ATP4A: variants seen among roughly 807,000 people sequenced by gnomAD.
The protein encoded by ATP4A is ATPase H+/K+ transporting subunit alpha.
Under a neutral mutation model 112.1 loss-of-function variants are expected in ATP4A, and 73 were observed. That is an observed-to-expected ratio of 0.65 (90% CI 0.54 to 0.79). The LOEUF is 0.79. ATP4A is among the 30% of genes least tolerant of loss of function. The probability of loss-of-function intolerance (pLI) is 0.00; values close to 1 mark genes in which losing one functional copy is unlikely to be tolerated. For synonymous variants in ATP4A, 588 were observed against 588.9 expected, an observed-to-expected ratio of 1.00 and a Z score of 0.02; for missense variants, 1,081 against 1,425.9, an observed-to-expected ratio of 0.76 and a Z score of 3.90.
chr19:35,562,317 T>G (rs746310191), intron 4 of ATP4A, 118 bp downstream of exon 4: 3 of 1,232,414 alleles, frequency 2.4e-6, no homozygotes, highest in Non-Finnish European at 3.4e-6. Flanking sequence ...GTCTTGAGAC[T>G]GCCTTTCGTG....
In ATP4A at chr19:35,557,970, G is replaced by T; in HGVS notation, c.1501-123C>A. On this transcript the variant is annotated intron_variant, in intron 10 of 21. Coordinates refer to ENST00000262623, the MANE Select transcript of ATP4A (RefSeq NM_000704.3). The surrounding 1 kb of genome is among the most constrained non-coding windows in gnomAD (Gnocchi z 4.4). The stretch of plus-strand genomic sequence containing the variant: ...GAGCTCGGTGCGGGCTCTGAGAGCT[G>T]CGGGGAAGGGTGAAGGTGGAAGATG... 3.7e-6 allele frequency: 3 copies of T among 818,118 alleles called. No individual in the cohort carries two copies. The highest frequency in any genetic ancestry group is 5.5e-6 in the Non-Finnish European group (3 of 540,560). 50.7% of individuals were successfully genotyped at this position (818,118 alleles called of 1,614,324 possible). A position where few individuals can be genotyped will look rare whatever the true frequency, so the allele number is the denominator to read the frequency against.
Position 35,555,345 on chromosome 19 carries a change from TG to T in ATP4A, c.2158-12del. On this transcript the variant is annotated splice_polypyrimidine_tract_variant and intron_variant, in intron 14 of 21. Coordinates refer to ENST00000262623, the MANE Select transcript of ATP4A (RefSeq NM_000704.3). The surrounding 1 kb of genome is among the most constrained non-coding windows in gnomAD (Gnocchi z 6.6). ...GGCCACAATCGCACCCTGCAGGCAG[TG>T]GGTGCAGGTGGTGGGTGGGTGGTCA... is the stretch of plus-strand genomic sequence containing the variant. 1 of 1,609,040 alleles carries T rather than the reference TG, an allele frequency of 6.2e-7. No individual in the cohort carries two copies. The highest frequency in any genetic ancestry group is 2.2e-5 in the East Asian group (1 of 44,770).
In ATP4A at chr19:35,555,490, G is replaced by A. The variant is rs776225963; in HGVS notation, c.2107C>T (p.Arg703Cys). 77 of 1,610,196 alleles carry A rather than the reference G, an allele frequency of 4.8e-5. No individual in the cohort carries two copies. Among genetic ancestry groups the A allele is most frequent in the South Asian group, 3.8e-4 (34 of 90,622 alleles). Reference protein sequence around the residue: ...LRTHPEMVFARTSPQQKLVIV... With the variant: ...LRTHPEMVFACTSPQQKLVIV... Reference sequence around the variant, plus strand: ...ACCAGCTTCTGCTGGGGGCTGGTGCGCGCAAACACCATCTCGGGGTGGGTG... The same window carrying A: ...ACCAGCTTCTGCTGGGGGCTGGTGCACGCAAACACCATCTCGGGGTGGGTG... Residue 703 changes from arginine (R) to cysteine (C), a missense_variant, in exon 14 of 22, where the codon CGC becomes TGC. Transcript: ENST00000262623. This position sits in a 1 kb window ranked among gnomAD's most constrained non-coding sequence, Gnocchi z 6.6.
rs1336338996 is a variant in ATP4A at position 35,558,044 on chromosome 19, G to A, written c.1501-197C>T. The A allele has an allele frequency of 2.5e-5, 15 of 609,964 alleles. No homozygotes were observed. The highest frequency in any genetic ancestry group is 4.0e-5 in the Non-Finnish European group (14 of 352,770). The allele number at this position is 609,964 out of a possible 1,614,324, so 37.8% of individuals were successfully genotyped here. On this transcript the variant is annotated intron_variant, in intron 10 of 21. Transcript: ENST00000262623. The surrounding 1 kb of genome is among the most constrained non-coding windows in gnomAD (Gnocchi z 5.1). ...TGGTAGAAGGTAAGCGTTAAGGCGGGGCTAGGTGCAGATTTGGAGTCCTGG... is the reference window on the plus strand; with the variant it reads ...TGGTAGAAGGTAAGCGTTAAGGCGGAGCTAGGTGCAGATTTGGAGTCCTGG...
intron 12 of ATP4A, among the ~76,000 whole-genome samples, chr19:35,556,197 G>A (rs780995433): frequency 1.2e-4 from 19 of 152,150 alleles, no homozygotes; most frequent in Non-Finnish European, 2.2e-4. Context: ...TCCTGGCAGG[G>A]AGAACAGCAG....
intron 3 of ATP4A, 21 bp from the exon 4 acceptor site, chr19:35,562,659 G>T (rs747066527): frequency 5.7e-6 from 9 of 1,567,040 alleles, no homozygotes; most frequent in Non-Finnish European, 7.8e-6. Context: ...GGGGCAGGGC[G>T]AGGCGGTCCT....
In ATP4A at chr19:35,563,371, A is replaced by G. The variant is rs771608403; in HGVS notation, c.156+13T>C. 1.3e-5 allele frequency: 18 copies of G among 1,371,932 alleles called. No homozygotes were observed. Among genetic ancestry groups the G allele is most frequent in the Non-Finnish European group, 1.7e-5 (18 of 1,041,316 alleles). The allele number at this position is 1,371,932 out of a possible 1,614,324, so 85.0% of individuals were successfully genotyped here. On this transcript the variant is annotated intron_variant, in intron 2 of 21. Transcript: ENST00000262623. ...TACCCTCCAGCTCCCGCCCCTCCCC[A>G]GTCAGAGCTCACAATCTCCATCTCC...
intron 12 of ATP4A, among the ~76,000 whole-genome samples, chr19:35,556,260 G>A (rs1392483580): frequency 6.6e-6 from 1 of 152,190 alleles, no homozygotes; most frequent in Non-Finnish European, 1.5e-5. Context: ...GAACAGCAGG[G>A]AGGACACCAT....
In ATP4A at chr19:35,553,105, C is replaced by G. The variant is rs137947088; in HGVS notation, c.2683G>C (p.Val895Leu). 3 of 1,611,850 alleles carry G rather than the reference C, an allele frequency of 1.9e-6. No individual in the cohort carries two copies. Among genetic ancestry groups the G allele is most frequent in the East Asian group, 4.5e-5 (2 of 44,804 alleles). Residue 895 changes from valine (V) to leucine (L), a missense_variant, in exon 18 of 22, where the codon GTG becomes CTG. Transcript: ENST00000262623. ...AQEGWFPLLC[V>L]GLRAQWEDHH... ...TCCTCCCACTGCGCCCGCAGCCCCA[C>G]GCACAGCAGTGGGAACCAGCCCTCC...
rs373965852 is a variant in ATP4A at position 35,551,353 on chromosome 19, G to A, written c.2885+94C>T. The A allele has an allele frequency of 1.1e-5, 17 of 1,584,510 alleles. No homozygotes were observed. The highest frequency in any genetic ancestry group is 3.4e-5 in the Admixed American group (2 of 58,720). On this transcript the variant is annotated intron_variant, in intron 19 of 21. Transcript: ENST00000262623. This position sits in a 1 kb window ranked among gnomAD's most constrained non-coding sequence, Gnocchi z 5.2. ...ATGTCACCATCTGGCACTGGCACCC[G>A]CTGGCATTTGCCGGCTGTTCTAAAC...
rs760307266 is a variant in ATP4A, at chr19:35,555,410, C to T, written c.2157+30G>A. The T allele has an allele frequency of 1.9e-5, 31 of 1,603,582 alleles. No individual in the cohort carries two copies. Among genetic ancestry groups the T allele is most frequent in the Admixed American group, 6.7e-5 (4 of 59,358 alleles). On this transcript the variant is annotated intron_variant, in intron 14 of 21. Coordinates refer to ENST00000262623, the MANE Select transcript of ATP4A (RefSeq NM_000704.3). The surrounding 1 kb of genome is among the most constrained non-coding windows in gnomAD (Gnocchi z 6.6). ...CCAAGACCAGCCCCGCCTGTCTGCC[C>T]GCCTGCCCACCCTCATCAGCAGGGC...
rs1568312712 is a variant in ATP4A at position 35,551,260 on chromosome 19, A to AATGTGGAGGGGG, written c.2886-150_2886-149insCCCCCTCCACAT. 3.3e-6 allele frequency: 4 copies of AATGTGGAGGGGG among 1,208,522 alleles called. No homozygotes were observed. Among genetic ancestry groups the AATGTGGAGGGGG allele is most frequent in the Non-Finnish European group, 4.7e-6 (4 of 857,366 alleles). 74.9% of individuals were successfully genotyped at this position (1,208,522 alleles called of 1,614,324 possible). ...GGAGTGGCCCGGGCCTCTCAGCACC[A>AATGTGGAGGGGG]CCCCTTTAGTGAAATGTGGAGGGGG... On this transcript the variant is annotated intron_variant, in intron 19 of 21. Transcript: ENST00000262623. This position sits in a 1 kb window ranked among gnomAD's most constrained non-coding sequence, Gnocchi z 5.2.
At position 35,560,247 on chromosome 19, in the gene ATP4A, G is replaced by A. The variant is rs1236873689; in HGVS notation, c.787+116C>T. The A allele has an allele frequency of 6.5e-7, 1 of 1,546,516 alleles. No homozygotes were observed. Among genetic ancestry groups the A allele is most frequent in the East Asian group, 2.3e-5 (1 of 44,348 alleles). Reference sequence around the variant, plus strand: ...CTGGGGAGGTGGCAGTCACGGGGAGGTGGCAGTCATGCAGGAGAGAGACAG... The same window carrying A: ...CTGGGGAGGTGGCAGTCACGGGGAGATGGCAGTCATGCAGGAGAGAGACAG... On this transcript the variant is annotated intron_variant, in intron 6 of 21. Transcript: ENST00000262623. The surrounding 1 kb of genome is among the most constrained non-coding windows in gnomAD (Gnocchi z 5.1).
Position 35,563,473 on chromosome 19 carries a change from C to T in ATP4A, c.67G>A (p.Ala23Thr), listed in dbSNP as rs1035958833. 1 of 1,613,982 alleles carries T rather than the reference C, an allele frequency of 6.2e-7. No individual in the cohort carries two copies. Among genetic ancestry groups the T allele is most frequent in the Non-Finnish European group, 8.5e-7 (1 of 1,180,026 alleles). The change falls in exon 2 of 22, where the codon GCT becomes ACT. Residue 23 changes from alanine to threonine, a missense_variant. Coordinates refer to ENST00000262623, the MANE Select transcript of ATP4A (RefSeq NM_000704.3). ...TTCTTCTTCTTGCTCATCTTGGCAG[C>T]CATGTCCCCGCCAGGGCCAGGACCC... ...ELGPGPGGDM[A>T]AKMSKKKKAG...
At position 35,559,844 on chromosome 19, in the gene ATP4A, C is replaced by A; in HGVS notation, c.1017G>T (p.Val339=). The change falls in exon 7 of 22, where the codon GTG becomes GTT. Residue 339 remains valine (V), a synonymous_variant. Coordinates refer to ENST00000262623, the MANE Select transcript of ATP4A (RefSeq NM_000704.3). This position sits in a 1 kb window ranked among gnomAD's most constrained non-coding sequence, Gnocchi z 4.1. ...GCAGCCCCTCAGGCACATAGGCCAC[C>A]ACGATGGCCATGAAGAAGACCATGG... ...LRAMVFFMAI[V]VAYVPEGLLA... is the part of the protein sequence containing the mutation. The A allele has an allele frequency of 6.2e-7, 1 of 1,614,142 alleles. No homozygotes were observed. Among genetic ancestry groups the A allele is most frequent in the Non-Finnish European group, 8.5e-7 (1 of 1,180,008 alleles).
At chr19:35,552,504 C>T (rs1483765311) in intron 18 of ATP4A, among the ~76,000 whole-genome samples, 1 of 152,186 alleles carries the variant, frequency 6.6e-6, no homozygotes, top group Non-Finnish European at 1.5e-5. Flanking sequence ...GGTGAGAAAA[C>T]AGGCACAGAG....
chr19:35,558,841 C>A lies in ATP4A; in HGVS notation c.1255+152G>T. On this transcript the variant is annotated intron_variant, in intron 8 of 21. Coordinates refer to ENST00000262623, the MANE Select transcript of ATP4A (RefSeq NM_000704.3). The surrounding 1 kb of genome is among the most constrained non-coding windows in gnomAD (Gnocchi z 5.1). Reference sequence around the variant, plus strand: ...TGAGGGACCCAGCCCCCGGATGACCCTTCCCTCTAGACCCGGTAGCGAGTC... The same window carrying A: ...TGAGGGACCCAGCCCCCGGATGACCATTCCCTCTAGACCCGGTAGCGAGTC... 2.4e-6 allele frequency: 3 copies of A among 1,260,834 alleles called. No homozygotes were observed. The highest frequency in any genetic ancestry group is 3.3e-6 in the Non-Finnish European group (3 of 914,652). 78.1% of individuals were successfully genotyped at this position (1,260,834 alleles called of 1,614,324 possible).
intron 4 of ATP4A, among the ~76,000 whole-genome samples, chr19:35,562,221 C>T (rs2071675001): frequency 6.6e-6 from 1 of 152,122 alleles, no homozygotes; most frequent in Non-Finnish European, 1.5e-5. Flanking sequence ...GTCCCCATAC[C>T]CAAGATTCAC....
chr19:35,555,363 G>A lies in ATP4A; in HGVS notation c.2158-29C>T. The A allele has an allele frequency of 1.2e-6, 2 of 1,604,916 alleles. No individual in the cohort carries two copies. Among genetic ancestry groups the A allele is most frequent in the African/African-American group, 2.7e-5 (2 of 74,980 alleles). On this transcript the variant is annotated intron_variant, in intron 14 of 21. Transcript: ENST00000262623. This position sits in a 1 kb window ranked among gnomAD's most constrained non-coding sequence, Gnocchi z 6.6. ...CAGGCAGTGGGTGCAGGTGGTGGGT[G>A]GGTGGTCAGTGAGAGGCCGGTCCAA...
Sources: gnomAD v4.1 joint callset for allele counts (sites outside exome capture counted in the v4.1 genomes callset) on GRCh38, gnomAD v4.1.1 for gene constraint, Gnocchi (gnomAD v3.1) non-coding constraint, MANE v1.5 for transcripts, NCBI Gene and HGNC (gene_info 2026-07-23, HGNC 2026-07-21) for gene names.